CTNNA2: variants seen among roughly 807,000 people sequenced by gnomAD.
CTNNA2 encodes catenin alpha-2.
In CTNNA2, 42 loss-of-function variants were observed where a neutral mutation model predicts 101.0. The ratio of observed to expected loss-of-function variants is 0.42; its 90% CI spans 0.32 to 0.54. The LOEUF (loss-of-function observed/expected upper bound fraction) is 0.54, where lower values mean the gene tolerates loss of function less well. CTNNA2 is among the 20% of genes least tolerant of loss of function. The pLI is 0.14. For missense variants in CTNNA2, 871 were observed against 1,223.1 expected, an observed-to-expected ratio of 0.71 and a Z score of 4.29; for synonymous variants, 450 against 456.4, an observed-to-expected ratio of 0.99 and a Z score of 0.18.
chr2:80,192,151 GA>G (rs1290030219), intron 7 of CTNNA2, among the ~76,000 whole-genome samples: 1 of 152,160 alleles, frequency 6.6e-6, no homozygotes. Context: ...AACTTTGGAG[GA>G]ACTCTGATCT....
rs761504905 is a variant in CTNNA2, at chr2:79,371,969, GGAA to G, written c.-317-1858_-317-1856del. Among the ~76,000 whole-genome samples the G allele has an allele frequency of 9.2e-5, 14 of 152,250 alleles. No individual in the cohort carries two copies. The South Asian group carries it at 1.0e-3, about 11-fold the overall frequency. ...ATCTGGAAGAAGAAAGAATAAAAAA[GGAA>G]GAAAAGCAGAAAGAGTTGATGGCTT... On this transcript the variant is annotated intron_variant, in intron 3 of 21. Coordinates refer to the CTNNA2 transcript ENST00000466387.
intron 18 of CTNNA2, among the ~76,000 whole-genome samples, chr2:80,633,848 G>A (rs1483651264): frequency 6.6e-6 from 1 of 152,142 alleles, no homozygotes; most frequent in East Asian, 1.9e-4. Flanking sequence ...AATTGTGGCT[G>A]TCTTTTGAGC....
intron 7 of CTNNA2, among the ~76,000 whole-genome samples, chr2:80,389,019 T>C (rs550432011): frequency 1.9e-4 from 29 of 152,312 alleles, no homozygotes; most frequent in African/African-American, 6.3e-4. Context: ...GCCCCAAATA[T>C]TGCCTTTTTA....
At chr2:79,821,441 T>C (rs1357977113) in intron 3 of CTNNA2, among the ~76,000 whole-genome samples, 1 of 152,164 alleles carries the variant, frequency 6.6e-6, no homozygotes, top group African/African-American at 2.4e-5. Context: ...ACTTCTGGCC[T>C]CAAGCAGTCC....
intron 2 of CTNNA2, among the ~76,000 whole-genome samples, chr2:79,670,077 G>A (rs977363683): frequency 6.6e-6 from 1 of 152,146 alleles, no homozygotes; most frequent in Non-Finnish European, 1.5e-5. Context: ...ACTTCCTGGG[G>A]CCCCCGAGGG....
At chr2:80,124,922 C>T (rs940786654) in intron 7 of CTNNA2, among the ~76,000 whole-genome samples, 7 of 152,030 alleles carry the variant, frequency 4.6e-5, no homozygotes, top group Non-Finnish European at 1.0e-4. Flanking sequence ...GGAAGGCACA[C>T]GGAGGAGCTG....
chr2:79,230,008 G>C (rs944623866), intron 2 of CTNNA2, among the ~76,000 whole-genome samples: 3 of 152,208 alleles, frequency 2.0e-5, no homozygotes, highest in Non-Finnish European at 4.4e-5. Context: ...TTTGGGTGCT[G>C]TTAAAGCCAT....
rs149863210 is a variant in CTNNA2 at position 80,574,648 on chromosome 2, G to A, written c.1893+334G>A. Among the ~76,000 whole-genome samples, 196 of 152,134 alleles carry A rather than the reference G, an allele frequency of 1.3e-3. 2 individuals are homozygous for A. The highest frequency in any genetic ancestry group is 4.2e-3 in the African/African-American group (173 of 41,506). On this transcript the variant is annotated intron_variant, in intron 13 of 18. Transcript: ENST00000402739. The stretch of plus-strand genomic sequence containing the variant: ...TTCCCATCAGGATCTGAAGACCATG[G>A]GCTGGAAAGAAATGAAGATTACACA...
At chr2:80,492,039 T>G (rs940348655) in intron 9 of CTNNA2, among the ~76,000 whole-genome samples, 1 of 152,142 alleles carries the variant, frequency 6.6e-6, no homozygotes, top group Non-Finnish European at 1.5e-5. Flanking sequence ...AATTAGATGG[T>G]GATATGGTGT....
chr2:80,404,885 T>TTCTC (rs1678922020), intron 8 of CTNNA2, among the ~76,000 whole-genome samples: 1 of 152,234 alleles, frequency 6.6e-6, no homozygotes, highest in Non-Finnish European at 1.5e-5. Flanking sequence ...GTTGATTTTT[T>TTCTC]GCTGCAAAAC....
intron 3 of CTNNA2, among the ~76,000 whole-genome samples, chr2:79,349,481 A>G (rs555983230): frequency 1.3e-5 from 2 of 152,300 alleles, no homozygotes; most frequent in Admixed American, 1.3e-4. Context: ...CTATTATGCT[A>G]TGTACTGGAG....
intron 9 of CTNNA2, among the ~76,000 whole-genome samples, chr2:80,478,510 T>G (rs1306778333): frequency 6.6e-6 from 1 of 152,180 alleles, no homozygotes. Flanking sequence ...TCCTAGAATT[T>G]TTACAGTTTC....
intron 1 of CTNNA2, among the ~76,000 whole-genome samples, chr2:79,515,444 C>T (rs1443208302): frequency 6.6e-6 from 1 of 152,094 alleles, no homozygotes; most frequent in Non-Finnish European, 1.5e-5. Flanking sequence ...AGGTGGCAGC[C>T]CCTCTATGGG....
At chr2:79,369,830 C>G (rs899466796) in intron 3 of CTNNA2, among the ~76,000 whole-genome samples, 1 of 152,198 alleles carries the variant, frequency 6.6e-6, no homozygotes, top group Non-Finnish European at 1.5e-5. Flanking sequence ...GTCCCACCTC[C>G]CCTGAACACC....
At chr2:80,212,859 G>T (rs1428132701) in intron 7 of CTNNA2, among the ~76,000 whole-genome samples, 1 of 152,082 alleles carries the variant, frequency 6.6e-6, no homozygotes, top group South Asian at 2.1e-4. Flanking sequence ...TTTTTTGGTT[G>T]GTAGGCTATT....
Position 80,488,319 on chromosome 2 carries a change from T to C in CTNNA2, c.1291-56663T>C, listed in dbSNP as rs1005367201. On this transcript the variant is annotated intron_variant, in intron 9 of 18. Transcript: ENST00000402739. ...TTTGTTTGGTTATATTTATTTTTGT[T>C]TTTTTTCCCACCTGGCCTGGTTAAT... is the stretch of plus-strand genomic sequence containing the variant. 2.6e-5 allele frequency among the ~76,000 whole-genome samples: 4 copies of C among 152,142 alleles called. No individual in the cohort carries two copies. The East Asian group carries it at 7.7e-4, about 29-fold the overall frequency.
chr2:80,573,447 TCTC>T (rs940908795), intron 12 of CTNNA2: 21 of 152,246 alleles, frequency 1.4e-4, no homozygotes, highest in African/African-American at 5.1e-4. Context: ...CCATTGGTCT[TCTC>T]TTTCCATAGG....
At chr2:79,286,741 G>C (rs1017210237) in intron 2 of CTNNA2, among the ~76,000 whole-genome samples, 1 of 152,012 alleles carries the variant, frequency 6.6e-6, no homozygotes, top group African/African-American at 2.4e-5. Flanking sequence ...TCTTGGAGTT[G>C]CTCTTCTCGA....
chr2:79,287,326 T>G (rs1235414506), intron 2 of CTNNA2, among the ~76,000 whole-genome samples: 1 of 151,374 alleles, frequency 6.6e-6, no homozygotes, highest in Non-Finnish European at 1.5e-5. Context: ...AGGAGGAGAG[T>G]CGCTCTGCTT....
Sources: allele counts gnomAD v4.1 joint callset (sites outside exome capture counted in the v4.1 genomes callset), GRCh38; gene constraint gnomAD v4.1.1; transcripts MANE v1.5; gene names NCBI Gene and HGNC (gene_info 2026-07-23, HGNC 2026-07-21).